CREB3L2: variants seen among roughly 807,000 people sequenced by gnomAD.
The protein encoded by CREB3L2 is cAMP responsive element binding protein 3 like 2, also known as cyclic AMP-responsive element-binding protein 3-like protein 2.
A neutral mutation model predicts 57.2 loss-of-function variants in CREB3L2; 23 were observed. That is an observed-to-expected ratio of 0.40 (90% CI 0.29 to 0.57). The LOEUF is 0.57. CREB3L2 is among the 20% of genes least tolerant of loss of function. CREB3L2 has a pLI of 0.42. For missense variants in CREB3L2, 628 were observed against 634.7 expected, an observed-to-expected ratio of 0.99 and a Z score of 0.11; for synonymous variants, 268 against 265.1, an observed-to-expected ratio of 1.01 and a Z score of -0.11.
chr7:137,958,925 A>T (rs1188910659), intron 1 of CREB3L2, among the ~76,000 whole-genome samples: 2 of 152,234 alleles, frequency 1.3e-5, no homozygotes, highest in African/African-American at 4.8e-5. Flanking sequence ...CTGCAACACA[A>T]GGGATGTAAA....
intron 1 of CREB3L2, among the ~76,000 whole-genome samples, chr7:137,932,099 C>G (rs1054101945): frequency 6.6e-6 from 1 of 152,094 alleles, no homozygotes; most frequent in Non-Finnish European, 1.5e-5. Flanking sequence ...TTCTTTAAAA[C>G]GTTAAGTAAA....
At position 137,911,453 on chromosome 7, in the gene CREB3L2, G is replaced by A. The variant is rs117415497; in HGVS notation, c.583+1538C>T. On this transcript the variant is annotated intron_variant, in intron 4 of 11. Coordinates refer to ENST00000330387, the MANE Select transcript of CREB3L2 (RefSeq NM_194071.4). The stretch of plus-strand genomic sequence containing the variant: ...GTAAACATCCTCACATTTATATACC[G>A]TAGCAAATATACCTTTTCGGTGACA... Among the ~76,000 whole-genome samples, 1,180 of 152,262 alleles carry A rather than the reference G, an allele frequency of 7.7e-3. 4 individuals are homozygous for A. The highest frequency in any genetic ancestry group is 0.013 in the Non-Finnish European group (907 of 68,020).
chr7:137,969,859 T>C (rs1400490498), intron 1 of CREB3L2, among the ~76,000 whole-genome samples: 3 of 151,806 alleles, frequency 2.0e-5, no homozygotes, highest in Non-Finnish European at 4.4e-5. Context: ...AACTGATGGA[T>C]TTAGTCAAAT....
intron 1 of CREB3L2, among the ~76,000 whole-genome samples, chr7:137,997,551 T>C (rs1802005753): frequency 1.2e-5 from 1 of 81,354 alleles, no homozygotes; most frequent in Non-Finnish European, 3.0e-5. Context: ...TGAGATCCCG[T>C]TTCTACCAAA....
chr7:137,936,836 T>C (rs1447995274), intron 1 of CREB3L2, among the ~76,000 whole-genome samples: 3 of 152,252 alleles, frequency 2.0e-5, no homozygotes, highest in African/African-American at 7.2e-5. Flanking sequence ...TATCATTTTC[T>C]AAAATGTTGC....
At chr7:137,911,109 A>G (rs766199997) in intron 4 of CREB3L2, among the ~76,000 whole-genome samples, 3 of 152,264 alleles carry the variant, frequency 2.0e-5, no homozygotes, top group Non-Finnish European at 4.4e-5. Context: ...TGCATTTGAT[A>G]GTAATAACTG....
intron 10 of CREB3L2, among the ~76,000 whole-genome samples, chr7:137,883,914 T>TCATCATCC (rs1799351663): frequency 6.6e-6 from 1 of 152,226 alleles, no homozygotes; most frequent in Non-Finnish European, 1.5e-5. Flanking sequence ...TCCCTTTATT[T>TCATCATCC]CTAGGTGAGA....
At chr7:137,974,483 A>T (rs986716815) in intron 1 of CREB3L2, among the ~76,000 whole-genome samples, 4 of 152,198 alleles carry the variant, frequency 2.6e-5, no homozygotes, top group Non-Finnish European at 5.9e-5. Context: ...TCATGGATGG[A>T]GCGCAGATTG....
intron 2 of CREB3L2, among the ~76,000 whole-genome samples, chr7:137,927,278 G>GA (rs35701640): frequency 2.9e-5 from 4 of 136,530 alleles, no homozygotes; most frequent in Admixed American, 1.4e-4. Context: ...GAAAGGAAAG[G>GA]AGGAAGGAAG....
At position 138,001,746 on chromosome 7, in the gene CREB3L2, G is replaced by A. The variant is rs757612324; in HGVS notation, c.-41C>T. The A allele has an allele frequency of 6.9e-7, 1 of 1,458,278 alleles. No homozygotes were observed. The highest frequency in any genetic ancestry group is 2.1e-5 in the Admixed American group (1 of 48,210). The allele number at this position is 1,458,278 out of a possible 1,614,324, so 90.3% of individuals were successfully genotyped here. A position where few individuals can be genotyped will look rare whatever the true frequency, so the allele number is the denominator to read the frequency against. ...GCTGGGCCGAGGATGCTAAGCGCAGGAGGGGACGCGCAGAGCTGCCTCGGA... is the reference window on the plus strand; with the variant it reads ...GCTGGGCCGAGGATGCTAAGCGCAGAAGGGGACGCGCAGAGCTGCCTCGGA... On this transcript the variant is annotated 5_prime_UTR_variant, in exon 1 of 12. Transcript: ENST00000330387. The surrounding 1 kb of genome is among the most constrained non-coding windows in gnomAD (Gnocchi z 4.2).
At chr7:137,913,187 A>C in intron 3 of CREB3L2, 109 bp from the exon 4 acceptor site, 1 of 1,093,436 alleles carries the variant, frequency 9.1e-7, no homozygotes, top group Non-Finnish European at 1.3e-6. Context: ...AGCCCTGCCT[A>C]TCCTGGAGAA....
chr7:137,937,859 A>C (rs1400092908), intron 1 of CREB3L2, among the ~76,000 whole-genome samples: 2 of 151,554 alleles, frequency 1.3e-5, no homozygotes, highest in Admixed American at 6.6e-5. Context: ...AAATATATGT[A>C]CACCTTGCTT....
At chr7:137,920,214 C>T (rs1800242721) in intron 2 of CREB3L2, among the ~76,000 whole-genome samples, 1 of 152,194 alleles carries the variant, frequency 6.6e-6, no homozygotes, top group Non-Finnish European at 1.5e-5. Flanking sequence ...ACAGCTTGGT[C>T]CTGTGGCTTG....
intron 2 of CREB3L2, among the ~76,000 whole-genome samples, chr7:137,920,168 T>C (rs917418379): frequency 6.6e-6 from 1 of 152,210 alleles, no homozygotes. Flanking sequence ...CCTTAGAATT[T>C]TGCAGTGACC....
chr7:137,960,809 C>CTTTTTTTTTTTTTTTTTTTTTTTTTTT (rs66493086), intron 1 of CREB3L2, among the ~76,000 whole-genome samples: 1 of 95,574 alleles, frequency 1.0e-5, no homozygotes, highest in African/African-American at 4.3e-5. Context: ...TAAATTATTT[C>CTTTTTTTTTTTTTTTTTTTTTTTTTTT]TTTTTTTTTT....
chr7:137,978,214 C>T (rs1332297386), intron 1 of CREB3L2, among the ~76,000 whole-genome samples: 1 of 152,196 alleles, frequency 6.6e-6, no homozygotes, highest in Non-Finnish European at 1.5e-5. Flanking sequence ...GACGACTTTA[C>T]AGAGATATAC....
intron 1 of CREB3L2, among the ~76,000 whole-genome samples, chr7:137,960,337 T>A (rs1470759857): frequency 6.6e-6 from 1 of 152,160 alleles, no homozygotes; most frequent in Non-Finnish European, 1.5e-5. Context: ...TCCATAAGAA[T>A]GCAAGCTTAA....
At chr7:137,984,236 C>T (rs963502726) in intron 1 of CREB3L2, among the ~76,000 whole-genome samples, 5 of 152,204 alleles carry the variant, frequency 3.3e-5, no homozygotes, top group African/African-American at 1.2e-4. Flanking sequence ...GTCTTCCTTA[C>T]TATCAGACAC....
At chr7:137,883,227 C>A (rs1799336498) in intron 10 of CREB3L2, among the ~76,000 whole-genome samples, 1 of 152,184 alleles carries the variant, frequency 6.6e-6, no homozygotes, top group South Asian at 2.1e-4. Flanking sequence ...GAAAAATTCT[C>A]AACAGGCCAC....
Sources: gnomAD v4.1 joint callset for allele counts (sites outside exome capture counted in the v4.1 genomes callset) on GRCh38, gnomAD v4.1.1 for gene constraint, Gnocchi (gnomAD v3.1) non-coding constraint, MANE v1.5 for transcripts, NCBI Gene and HGNC (gene_info 2026-07-23, HGNC 2026-07-21) for gene names.